PDPN: variants seen among roughly 807,000 people sequenced by gnomAD.
PDPN encodes the protein PA2.26 antigen.
In PDPN, 12 loss-of-function variants were observed where a neutral mutation model predicts 23.2. The observed-to-expected ratio is 0.52, with a 90% confidence interval of 0.33 to 0.84. PDPN has a LOEUF of 0.84. Ranked by LOEUF, PDPN falls within the 40% of genes least tolerant of loss-of-function variation. The pLI is 0.02. For synonymous variants in PDPN, 77 were observed against 76.7 expected, an observed-to-expected ratio of 1.00 and a Z score of -0.02; for missense variants, 199 against 212.2, an observed-to-expected ratio of 0.94 and a Z score of 0.39.
At chr1:13,605,962 T>C (rs1476090579) in intron 1 of PDPN, among the ~76,000 whole-genome samples, 1 of 151,862 alleles carries the variant, frequency 6.6e-6, no homozygotes, top group Non-Finnish European at 1.5e-5. Flanking sequence ...TTTGTCCAAA[T>C]GTTAATGCGG....
chr1:13,601,919 A>C (rs143687447), intron 1 of PDPN, among the ~76,000 whole-genome samples: 1 of 152,328 alleles, frequency 6.6e-6, no homozygotes, highest in African/African-American at 2.4e-5. Flanking sequence ...AAGAAGTTTG[A>C]CTACTGATAG....
At chr1:13,599,675 G>C (rs931505053) in intron 1 of PDPN, among the ~76,000 whole-genome samples, 28 of 152,058 alleles carry the variant, frequency 1.8e-4, no homozygotes, top group African/African-American at 6.5e-4. Context: ...TATCTGATGT[G>C]TTGCTTATTT....
At chr1:13,605,845 T>A (rs1032796716) in intron 1 of PDPN, among the ~76,000 whole-genome samples, 18 of 151,784 alleles carry the variant, frequency 1.2e-4, no homozygotes, top group Non-Finnish European at 2.2e-4. Context: ...ATGGTCTCGA[T>A]CTCTTGACCT....
At chr1:13,602,450 G>GA (rs986892516) in intron 1 of PDPN, among the ~76,000 whole-genome samples, 3 of 152,170 alleles carry the variant, frequency 2.0e-5, no homozygotes, top group African/African-American at 7.2e-5. Context: ...ACAAATGGAT[G>GA]AAACAACTCG....
chr1:13,594,725 G>A (rs1298510645), intron 1 of PDPN, among the ~76,000 whole-genome samples: 1 of 152,040 alleles, frequency 6.6e-6, no homozygotes, highest in African/African-American at 2.4e-5. Context: ...GGTGGCTTAC[G>A]CCTCTAATCC....
At chr1:13,611,549 G>C (rs566437915) in intron 3 of PDPN, among the ~76,000 whole-genome samples, 3 of 152,316 alleles carry the variant, frequency 2.0e-5, no homozygotes, top group Admixed American at 6.5e-5. Flanking sequence ...ATAAAGTAGA[G>C]TGGTGGTTTG....
chr1:13,595,736 C>T (rs1042077069), intron 1 of PDPN: 15 of 526,988 alleles, frequency 2.8e-5, no homozygotes, highest in African/African-American at 1.4e-4. Flanking sequence ...ATGGGCATGG[C>T]GCTGCTCACA....
chr1:13,596,523 T>C (rs1640500956), intron 1 of PDPN, among the ~76,000 whole-genome samples: 2 of 152,254 alleles, frequency 1.3e-5, no homozygotes, highest in Non-Finnish European at 2.9e-5. Context: ...TCAGTGATTA[T>C]GTCGATCACG....
intron 3 of PDPN, among the ~76,000 whole-genome samples, chr1:13,611,848 C>A (rs1447966986): frequency 6.6e-6 from 1 of 152,074 alleles, no homozygotes; most frequent in African/African-American, 2.4e-5. Context: ...ATTTAAACAC[C>A]AGAGAAAGCC....
intron 1 of PDPN, among the ~76,000 whole-genome samples, chr1:13,587,228 TATTA>T (rs1244400764): frequency 2.0e-5 from 3 of 152,226 alleles, no homozygotes; most frequent in African/African-American, 7.2e-5. Context: ...AAATAGGATT[TATTA>T]ATTCATTCTG....
At chr1:13,598,515 C>CTAT (rs1373189038) in intron 1 of PDPN, among the ~76,000 whole-genome samples, 1 of 152,196 alleles carries the variant, frequency 6.6e-6, no homozygotes, top group Non-Finnish European at 1.5e-5. Context: ...TACACACACA[C>CTAT]TATTCACTTA....
intron 3 of PDPN, among the ~76,000 whole-genome samples, chr1:13,610,835 G>T (rs755011270): frequency 1.2e-4 from 18 of 152,274 alleles, no homozygotes; most frequent in Non-Finnish European, 2.1e-4. Context: ...ACACCCAAGG[G>T]CACGACACTC....
In PDPN at chr1:13,616,551, G is replaced by GTC. The variant is rs1337422071; in HGVS notation, c.*643_*644dup. 2 of 152,790 alleles carry GTC rather than the reference G, an allele frequency of 1.3e-5. No homozygotes were observed. Among genetic ancestry groups the GTC allele is most frequent in the Non-Finnish European group, 2.9e-5 (2 of 68,468 alleles). 9.5% of individuals were successfully genotyped at this position (152,790 alleles called of 1,614,324 possible). On this transcript the variant is annotated 3_prime_UTR_variant, in exon 6 of 6. Coordinates refer to ENST00000621990, the MANE Select transcript of PDPN (RefSeq NM_006474.5). ...TTAGATCACAAGCAGGAAGTCGATA[G>GTC]TCTCAAAGGCACTTTGTTTCTCCCA...
chr1:13,595,858 C>T, intron 1 of PDPN: 1 of 1,288,200 alleles, frequency 7.8e-7, no homozygotes, highest in Non-Finnish European at 1.0e-6. Flanking sequence ...GGGGTGAAGC[C>T]TGGTGGACAG....
chr1:13,593,616 G>T lies in PDPN; in HGVS notation c.67+9516G>T, dbSNP rs150426385. On this transcript the variant is annotated intron_variant, in intron 1 of 5. Transcript: ENST00000621990. Reference sequence around the variant, plus strand: ...CAGGCCTCATCCTCCTGGGCTCACAGCTGGGCTGTCTGAGCTGCGTGGGGT... The same window carrying T: ...CAGGCCTCATCCTCCTGGGCTCACATCTGGGCTGTCTGAGCTGCGTGGGGT... Among the ~76,000 whole-genome samples the T allele has an allele frequency of 3.5e-3, 530 of 152,316 alleles. 5 individuals are homozygous for T. Among genetic ancestry groups the T allele is most frequent in the African/African-American group, 0.012 (513 of 41,580 alleles).
intron 1 of PDPN, among the ~76,000 whole-genome samples, chr1:13,602,706 G>C (rs967880168): frequency 1.6e-4 from 24 of 152,130 alleles, no homozygotes; most frequent in African/African-American, 5.5e-4. Context: ...GGGATTACAG[G>C]TGTGCACCAC....
In PDPN at chr1:13,584,235, C is replaced by G. The variant is rs1360243197; in HGVS notation, c.67+135C>G. 5.3e-6 allele frequency: 8 copies of G among 1,522,110 alleles called. No individual in the cohort carries two copies. In the East Asian group the frequency reaches 1.7e-4, roughly 33 times the overall value. 94.3% of individuals were successfully genotyped at this position (1,522,110 alleles called of 1,614,324 possible). A position where few individuals can be genotyped will look rare whatever the true frequency, so the allele number is the denominator to read the frequency against. On this transcript the variant is annotated intron_variant, in intron 1 of 5. Transcript: ENST00000621990. ...GAGCTGAGGGTGTGTGCGTGTCAGG[C>G]GGCTGAGCGCCGGAGGAGGAGAGGC...
intron 1 of PDPN, among the ~76,000 whole-genome samples, chr1:13,585,807 G>A (rs943030224): frequency 2.6e-5 from 4 of 152,168 alleles, no homozygotes; most frequent in African/African-American, 7.2e-5. Flanking sequence ...AGAATAATGA[G>A]CGAGGCGACT....
At chr1:13,599,274 G>A (rs1182628722) in intron 1 of PDPN, among the ~76,000 whole-genome samples, 2 of 151,598 alleles carry the variant, frequency 1.3e-5, no homozygotes, top group Non-Finnish European at 2.9e-5. Flanking sequence ...CTCCCAAAGT[G>A]CTGGTGGGAT....
Sources: gnomAD v4.1 joint callset for allele counts (sites outside exome capture counted in the v4.1 genomes callset) on GRCh38, gnomAD v4.1.1 for gene constraint, MANE v1.5 for transcripts, NCBI Gene and HGNC (gene_info 2026-07-23, HGNC 2026-07-21) for gene names.